Variants in RARB observed in about 807,000 individuals in gnomAD.
RARB encodes HBV-activated protein.
In RARB, 17 loss-of-function variants were observed where a neutral mutation model predicts 51.9. The observed-to-expected ratio is 0.33, with a 90% CI of 0.22 to 0.49. The LOEUF (loss-of-function observed/expected upper bound fraction) is 0.49. Ranked by LOEUF, RARB falls within the 20% of genes least tolerant of loss-of-function variation. RARB has a pLI of 0.99. For synonymous variants in RARB, 215 were observed against 195.4 expected, an observed-to-expected ratio of 1.10 and a Z score of -0.84; for missense variants, 369 against 550.8, an observed-to-expected ratio of 0.67 and a Z score of 3.30.
intron 2 of RARB, among the ~76,000 whole-genome samples, chr3:25,048,373 C>G (rs73040992): frequency 4.6e-5 from 7 of 151,874 alleles, no homozygotes; most frequent in Non-Finnish European, 8.8e-5. Context: ...CTCTTCTGAC[C>G]CCCATCCAAT....
At chr3:25,205,910 A>AT (rs753783092) in intron 5 of RARB, among the ~76,000 whole-genome samples, 6 of 151,618 alleles carry the variant, frequency 4.0e-5, no homozygotes, top group Non-Finnish European at 8.8e-5. Flanking sequence ...TGCCCAGCTA[A>AT]TTTTTTTTCT....
exon 2 of RARB, chr3:24,858,729 G>A (rs1702680738): frequency 6.6e-6 from 1 of 152,102 alleles, no homozygotes; most frequent in Non-Finnish European, 1.5e-5. Context: ...CTGGAGGACT[G>A]TTCTCACAAT....
At chr3:24,829,393 C>T (rs1466910871) in exon 1 of RARB, among the ~76,000 whole-genome samples, 1 of 152,220 alleles carries the variant, frequency 6.6e-6, no homozygotes, top group East Asian at 1.9e-4. Context: ...TCCAAGGCAG[C>T]CCGCCAAAAG....
At chr3:24,950,564 C>T (rs1313522210) in intron 2 of RARB, among the ~76,000 whole-genome samples, 1 of 152,082 alleles carries the variant, frequency 6.6e-6, no homozygotes, top group East Asian at 1.9e-4. Context: ...GCAGAATGCA[C>T]AGCTACATCT....
intron 5 of RARB, among the ~76,000 whole-genome samples, chr3:25,367,812 AC>A (rs1232369622): frequency 3.0e-5 from 4 of 135,026 alleles, no homozygotes; most frequent in Non-Finnish European, 6.4e-5. Context: ...ACAAAAAAAA[AC>A]AAGCAAAAAA....
At chr3:25,009,649 C>T (rs764645473) in intron 2 of RARB, among the ~76,000 whole-genome samples, 21 of 152,072 alleles carry the variant, frequency 1.4e-4, no homozygotes, top group Non-Finnish European at 3.1e-4. Flanking sequence ...GGCATTTCAC[C>T]CTCTGAGTCT....
intron 5 of RARB, among the ~76,000 whole-genome samples, chr3:25,321,416 A>G (rs1704565414): frequency 6.6e-6 from 1 of 152,072 alleles, no homozygotes; most frequent in South Asian, 2.1e-4. Flanking sequence ...TAAAAATAAC[A>G]TTTTTAAATT....
chr3:25,400,864 TATAAA>T (rs973864113), intron 5 of RARB, among the ~76,000 whole-genome samples: 24 of 151,696 alleles, frequency 1.6e-4, no homozygotes, highest in African/African-American at 5.8e-4. Context: ...AGCCAGACAA[TATAAA>T]ATAAAATATA....
chr3:25,457,645 G>A (rs1020053518), intron 1 of RARB, among the ~76,000 whole-genome samples: 1 of 152,140 alleles, frequency 6.6e-6, no homozygotes. Flanking sequence ...CAAGTTTCTT[G>A]GGTATTAAAT....
At chr3:25,221,249 A>G (rs1701942151) in intron 5 of RARB, among the ~76,000 whole-genome samples, 1 of 152,200 alleles carries the variant, frequency 6.6e-6, no homozygotes, top group Admixed American at 6.5e-5. Context: ...GTCAAGGGAA[A>G]AAGGAAAAAA....
chr3:25,132,027 G>C (rs1699961366), intron 3 of RARB, among the ~76,000 whole-genome samples: 1 of 151,754 alleles, frequency 6.6e-6, no homozygotes, highest in Non-Finnish European at 1.5e-5. Flanking sequence ...GCTCCATTGA[G>C]AGTCAAGTAC....
intron 5 of RARB, among the ~76,000 whole-genome samples, chr3:25,420,930 C>T (rs954547826): frequency 6.8e-6 from 1 of 146,652 alleles, no homozygotes; most frequent in Non-Finnish European, 1.5e-5. Flanking sequence ...TATGCAATAC[C>T]TTTGCCATTT....
intron 3 of RARB, among the ~76,000 whole-genome samples, chr3:25,075,864 T>A (rs1303862442): frequency 1.3e-5 from 2 of 152,174 alleles, no homozygotes; most frequent in Non-Finnish European, 2.9e-5. Context: ...GACCGATGAA[T>A]CAACAAATTG....
At chr3:25,350,909 G>C (rs1028441446) in intron 5 of RARB, among the ~76,000 whole-genome samples, 2 of 152,172 alleles carry the variant, frequency 1.3e-5, no homozygotes, top group Admixed American at 6.5e-5. Flanking sequence ...TGGTGTCATT[G>C]TTTGGAGGTG....
At chr3:25,506,783 A>G (rs912472558) in intron 3 of RARB, among the ~76,000 whole-genome samples, 5 of 152,266 alleles carry the variant, frequency 3.3e-5, no homozygotes, top group Non-Finnish European at 5.9e-5. Context: ...TGGTTTGCCA[A>G]TGTCTGCTTT....
chr3:25,264,372 T>A (rs1029660194), intron 5 of RARB, among the ~76,000 whole-genome samples: 9 of 152,024 alleles, frequency 5.9e-5, no homozygotes, highest in Admixed American at 5.2e-4. Flanking sequence ...CTATTTTTTT[T>A]TATATAAGGC....
chr3:25,350,565 A>G (rs896678331), intron 5 of RARB, among the ~76,000 whole-genome samples: 4 of 152,128 alleles, frequency 2.6e-5, no homozygotes, highest in African/African-American at 9.7e-5. Context: ...CCACTGCCTA[A>G]TGCTTTATTA....
chr3:25,241,929 C>A (rs1198525876), intron 5 of RARB, among the ~76,000 whole-genome samples: 1 of 152,218 alleles, frequency 6.6e-6, no homozygotes, highest in Non-Finnish European at 1.5e-5. Flanking sequence ...CTCCCACCAA[C>A]AGTGTAAAAA....
intron 2 of RARB, among the ~76,000 whole-genome samples, chr3:25,475,401 A>AG (rs149926340): frequency 0.031 from 4,731 of 151,262 alleles, 251 homozygotes; most frequent in East Asian, 0.27. Context: ...CAAATAACAA[A>AG]GGGGGGGGGA....
Sources: gnomAD v4.1 joint callset for allele counts (sites outside exome capture counted in the v4.1 genomes callset) on GRCh38, gnomAD v4.1.1 for gene constraint, MANE v1.5 for transcripts, NCBI Gene and HGNC (gene_info 2026-07-23, HGNC 2026-07-21) for gene names.